GATA4: variants seen among roughly 807,000 people sequenced by gnomAD.
The protein encoded by GATA4 is transcription factor GATA-4.
Under a neutral mutation model 37.9 loss-of-function variants are expected in GATA4, and 7 were observed. The observed-to-expected ratio is 0.18, with a 90% CI of 0.11 to 0.35. The LOEUF is 0.35. Among genes scored for constraint, GATA4 ranks in the 10% least tolerant of loss-of-function variants. The pLI is 1.00. For missense variants in GATA4, 647 were observed against 653.0 expected (o/e 0.99, Z 0.10); for synonymous variants, 372 against 292.6 (o/e 1.27, Z -2.77).
At chr8:11,750,532 G>T (rs915355275) in intron 4 of GATA4, among the ~76,000 whole-genome samples, 22 of 152,128 alleles carry the variant, frequency 1.4e-4, no homozygotes, top group African/African-American at 5.3e-4. Context: ...GACAAAATTG[G>T]CTGTTCATTT....
At chr8:11,742,292 G>A (rs1262011592) in intron 2 of GATA4, among the ~76,000 whole-genome samples, 1 of 152,056 alleles carries the variant, frequency 6.6e-6, no homozygotes, top group Non-Finnish European at 1.5e-5. Flanking sequence ...GCATATGAGC[G>A]GGTGTATTTT....
intron 2 of GATA4, among the ~76,000 whole-genome samples, chr8:11,742,004 G>A (rs1428799904): frequency 1.3e-5 from 2 of 152,216 alleles, no homozygotes; most frequent in Non-Finnish European, 2.9e-5. Context: ...CTTTGCTGTT[G>A]ATTAGCTCTG....
intron 2 of GATA4, among the ~76,000 whole-genome samples, chr8:11,746,837 G>A (rs1035663456): frequency 6.6e-6 from 1 of 152,244 alleles, no homozygotes; most frequent in Non-Finnish European, 1.5e-5. Flanking sequence ...CTGCTGTGAC[G>A]CCTGTGCTCC....
intron 2 of GATA4, among the ~76,000 whole-genome samples, chr8:11,747,188 A>G (rs551049603): frequency 6.6e-6 from 1 of 152,378 alleles, no homozygotes; most frequent in African/African-American, 2.4e-5. Flanking sequence ...AGACCAAGGT[A>G]GATGTGTTTT....
upstream of GATA4, among the ~76,000 whole-genome samples, chr8:11,699,522 G>A (rs1389723831): frequency 6.6e-6 from 1 of 152,260 alleles, no homozygotes; most frequent in Admixed American, 6.5e-5. Flanking sequence ...GCTCTTTCAG[G>A]CTGCCATTGT....
chr8:11,690,861 AC>A, upstream of GATA4, among the ~76,000 whole-genome samples: 1 of 152,306 alleles, frequency 6.6e-6, no homozygotes, highest in East Asian at 1.9e-4. Flanking sequence ...AAAGGGAAAC[AC>A]CCTGTCTGTC....
Position 11,693,518 on chromosome 8 carries a change from C to A in GATA4, c.-729+858C>A, listed in dbSNP as rs548479883. Among the ~76,000 whole-genome samples the A allele has an allele frequency of 1.6e-4, 12 of 73,078 alleles. No homozygotes were observed. In the South Asian group the frequency reaches 5.7e-3, roughly 35 times the overall value. 47.9% of individuals were successfully genotyped at this position (73,078 alleles called of 152,430 possible). A position where few individuals can be genotyped will look rare whatever the true frequency, so the allele number is the denominator to read the frequency against. ...AGAGAAAAAAAGAGGATTGATTCAG[C>A]ACAAACACACACACACACACACACA... On this transcript the variant is annotated intron_variant, in intron 1 of 2. Transcript: ENST00000526974.
At chr8:11,683,037 G>A (rs532414581) in intron 1 of GATA4, 2 of 984,934 alleles carry the variant, frequency 2.0e-6, no homozygotes, top group Non-Finnish European at 2.4e-6. Flanking sequence ...GTGCGCGGGG[G>A]TTTCTCGACA....
chr8:11,688,244 G>T (rs967604664), upstream of GATA4, among the ~76,000 whole-genome samples: 1 of 152,316 alleles, frequency 6.6e-6, no homozygotes, highest in East Asian at 1.9e-4. Flanking sequence ...TTTATAATGC[G>T]TCTATGCCTG....
upstream of GATA4, among the ~76,000 whole-genome samples, chr8:11,703,936 C>T (rs1181404440): frequency 1.3e-5 from 2 of 152,262 alleles, no homozygotes; most frequent in African/African-American, 4.8e-5. Flanking sequence ...AAAGCTGACC[C>T]TGGGCACCAC....
At chr8:11,722,723 G>A (rs1800733517) in intron 2 of GATA4, among the ~76,000 whole-genome samples, 1 of 152,152 alleles carries the variant, frequency 6.6e-6, no homozygotes, top group Non-Finnish European at 1.5e-5. Context: ...TCTGTGATGG[G>A]AAAAATAGGC....
rs546093763 is a variant in GATA4, at chr8:11,744,410, G to C, written c.617-4506G>C. ...GGTGATGCCTTCCAAGTGGCTGGAG[G>C]AGTTCCCGGGATGCCAGCACTGGGT... On this transcript the variant is annotated intron_variant, in intron 2 of 6. Transcript: ENST00000532059. 4.6e-5 allele frequency among the ~76,000 whole-genome samples: 7 copies of C among 152,316 alleles called. No homozygotes were observed. The South Asian group carries it at 1.0e-3, about 23-fold the overall frequency.
chr8:11,694,879 C>A (rs932338457), intron 1 of GATA4, among the ~76,000 whole-genome samples: 2 of 152,288 alleles, frequency 1.3e-5, no homozygotes, highest in African/African-American at 4.8e-5. Context: ...CACACACACA[C>A]CTCACTTTTA....
Position 11,709,429 on chromosome 8 carries a change from G to C in GATA4, c.616+501G>C, listed in dbSNP as rs1371575857. On this transcript the variant is annotated intron_variant, in intron 2 of 6. Transcript: ENST00000532059. The surrounding 1 kb of genome is among the most constrained non-coding windows in gnomAD (Gnocchi z 4.3). ...GGCGGCCCAGCTGGAGGATCCCTCG[G>C]GGTAGCTGATGATTTTCCCGTCGGG... Among the ~76,000 whole-genome samples the C allele has an allele frequency of 6.6e-6, 1 of 152,228 alleles. No individual in the cohort carries two copies. Among genetic ancestry groups the C allele is most frequent in the Non-Finnish European group, 1.5e-5 (1 of 68,030 alleles).
chr8:11,724,131 A>G (rs1181386021), intron 2 of GATA4, among the ~76,000 whole-genome samples: 1 of 151,940 alleles, frequency 6.6e-6, no homozygotes, highest in East Asian at 1.9e-4. Context: ...AGCATGTCAG[A>G]ATGCAGCATG....
At chr8:11,739,469 A>AT (rs1010026523) in intron 2 of GATA4, among the ~76,000 whole-genome samples, 4 of 147,462 alleles carry the variant, frequency 2.7e-5, no homozygotes, top group South Asian at 2.5e-4. Flanking sequence ...ACGTGGTGTG[A>AT]TTTTCCATAT....
intron 2 of GATA4, among the ~76,000 whole-genome samples, chr8:11,735,553 GTTTGTTTC>G (rs1391864847): frequency 6.6e-6 from 1 of 151,158 alleles, no homozygotes; most frequent in African/African-American, 2.5e-5. Context: ...TTGTTTGTTT[GTTTGTTTC>G]TTTCTTTCTT....
chr8:11,708,887 T>G lies in GATA4; in HGVS notation c.575T>G (p.Leu192Arg), dbSNP rs1444617334. 6.5e-7 allele frequency: 1 copy of G among 1,527,968 alleles called. No individual in the cohort carries two copies. The highest frequency in any genetic ancestry group is 8.7e-7 in the Non-Finnish European group (1 of 1,143,914). 94.7% of individuals were successfully genotyped at this position (1,527,968 alleles called of 1,614,324 possible). A position where few individuals can be genotyped will look rare whatever the true frequency, so the allele number is the denominator to read the frequency against. The part of the protein sequence containing the change: ...GPFDSPVLHS[L>R]PGRANPAARH... ...TTCGACAGCCCGGTCCTGCACAGCCTGCCCGGCCGGGCCAACCCGGCCGCC... is the reference window on the plus strand; with the variant it reads ...TTCGACAGCCCGGTCCTGCACAGCCGGCCCGGCCGGGCCAACCCGGCCGCC... Residue 192 changes from leucine to arginine, a missense_variant, in exon 2 of 7, where the codon CTG becomes CGG. Coordinates refer to ENST00000532059, the MANE Select transcript of GATA4 (RefSeq NM_001308093.3). The surrounding 1 kb of genome is among the most constrained non-coding windows in gnomAD (Gnocchi z 6.7).
At chr8:11,744,858 A>T (rs1420454690) in intron 2 of GATA4, among the ~76,000 whole-genome samples, 3 of 152,162 alleles carry the variant, frequency 2.0e-5, no homozygotes, top group African/African-American at 7.2e-5. Context: ...GCTGGTGGGA[A>T]TTCCACACTT....
Sources: gnomAD v4.1 joint callset for allele counts (sites outside exome capture counted in the v4.1 genomes callset) on GRCh38, gnomAD v4.1.1 for gene constraint, Gnocchi (gnomAD v3.1) non-coding constraint, MANE v1.5 for transcripts, NCBI Gene and HGNC (gene_info 2026-07-23, HGNC 2026-07-21) for gene names.